SGPP2: variants seen among roughly 807,000 people sequenced by gnomAD.
SGPP2 encodes the protein sphingosine-1-phosphate phosphatase 2.
A neutral mutation model predicts 33.9 loss-of-function variants in SGPP2; 30 were observed. The ratio of observed to expected loss-of-function variants is 0.89; its 90% CI spans 0.66 to 1.20. SGPP2 has a LOEUF of 1.20. Ranked by LOEUF, SGPP2 falls within the 50% of genes most tolerant of loss-of-function variation. The pLI is 0.00. For missense variants in SGPP2, 458 were observed against 532.1 expected (o/e 0.86, Z 1.37); for synonymous variants, 233 against 225.0 (o/e 1.04, Z -0.32).
chr2:222,437,344 G>A (rs1032819929), intron 1 of SGPP2, among the ~76,000 whole-genome samples: 16 of 152,168 alleles, frequency 1.1e-4, no homozygotes, highest in South Asian at 2.1e-4. Flanking sequence ...AGTTCTCCCC[G>A]CTGGGAAGAT....
chr2:222,501,573 C>T (rs912274828), intron 2 of SGPP2, among the ~76,000 whole-genome samples: 3 of 152,184 alleles, frequency 2.0e-5, no homozygotes, highest in Non-Finnish European at 4.4e-5. Context: ...AGCCTAAAAT[C>T]AGACTCTTGG....
chr2:222,430,559 T>A (rs1174875631), intron 1 of SGPP2, among the ~76,000 whole-genome samples: 1 of 152,136 alleles, frequency 6.6e-6, no homozygotes, highest in African/African-American at 2.4e-5. Context: ...GCTCAAGCGA[T>A]CCTCCTGCCT....
chr2:222,497,600 T>C (rs960503265), intron 2 of SGPP2, among the ~76,000 whole-genome samples: 6 of 152,200 alleles, frequency 3.9e-5, no homozygotes, highest in African/African-American at 1.4e-4. Flanking sequence ...ATGTATTTAG[T>C]CATTTGTTCA....
chr2:222,551,448 TA>T (rs950645824), intron 4 of SGPP2, among the ~76,000 whole-genome samples: 11 of 151,732 alleles, frequency 7.2e-5, no homozygotes, highest in African/African-American at 9.7e-5. Context: ...TTTAATAGCT[TA>T]AAAAAAAACT....
chr2:222,561,207 G>A lies in SGPP2; in HGVS notation c.*2309G>A, dbSNP rs1689532682. ...CAAAGATCAAGATGACCTGCCGTTTGACTGCTTTTACATCAAACTCTGCCC... is the reference window on the plus strand; with the variant it reads ...CAAAGATCAAGATGACCTGCCGTTTAACTGCTTTTACATCAAACTCTGCCC... On this transcript the variant is annotated 3_prime_UTR_variant, in exon 5 of 5. Transcript: ENST00000321276. Among the ~76,000 whole-genome samples the A allele has an allele frequency of 6.6e-6, 1 of 151,896 alleles. No homozygotes were observed. The highest frequency in any genetic ancestry group is 2.1e-4 in the South Asian group (1 of 4,826).
At chr2:222,527,793 T>C (rs190166281) in intron 4 of SGPP2, among the ~76,000 whole-genome samples, 3 of 152,334 alleles carry the variant, frequency 2.0e-5, no homozygotes, top group South Asian at 4.1e-4. Flanking sequence ...GGTGCAATGA[T>C]GAGTAATTTT....
At chr2:222,480,002 A>G (rs796834811) in intron 2 of SGPP2, among the ~76,000 whole-genome samples, 13 of 152,340 alleles carry the variant, frequency 8.5e-5, no homozygotes, top group African/African-American at 3.1e-4. Flanking sequence ...CATTGAGCCA[A>G]AAAAGACAGC....
rs920002819 is a variant in SGPP2 at position 222,558,985 on chromosome 2, T to G, written c.*87T>G. On this transcript the variant is annotated 3_prime_UTR_variant, in exon 5 of 5. Coordinates refer to ENST00000321276, the MANE Select transcript of SGPP2 (RefSeq NM_152386.4). Reference sequence around the variant, plus strand: ...GTAGGCAAATCTTGACAACTTATTTTTCTTTAACAACAACAAAAAGTCATA... The same window carrying G: ...GTAGGCAAATCTTGACAACTTATTTGTCTTTAACAACAACAAAAAGTCATA... 10 of 1,349,054 alleles carry G rather than the reference T, an allele frequency of 7.4e-6. No homozygotes were observed. The highest frequency in any genetic ancestry group is 9.2e-6 in the Non-Finnish European group (9 of 981,964). The allele number at this position is 1,349,054 out of a possible 1,614,324, so 83.6% of individuals were successfully genotyped here.
intron 2 of SGPP2, among the ~76,000 whole-genome samples, chr2:222,517,312 GA>G (rs1388945766): frequency 1.3e-5 from 2 of 152,192 alleles, no homozygotes; most frequent in African/African-American, 4.8e-5. Context: ...CAGAAAAACA[GA>G]AGAGCAGAAG....
chr2:222,488,449 T>C (rs1290545086), intron 2 of SGPP2, among the ~76,000 whole-genome samples: 1 of 152,232 alleles, frequency 6.6e-6, no homozygotes, highest in East Asian at 1.9e-4. Flanking sequence ...TATGAGACTC[T>C]AGCTGATGTC....
At chr2:222,547,446 T>A (rs1689221636) in intron 4 of SGPP2, among the ~76,000 whole-genome samples, 1 of 152,226 alleles carries the variant, frequency 6.6e-6, no homozygotes, top group East Asian at 1.9e-4. Flanking sequence ...TTTTGTCTGT[T>A]TCATGAAGAC....
rs1425148322 is a variant in SGPP2, at chr2:222,562,573, T to A, written c.*3675T>A. 6.6e-6 allele frequency among the ~76,000 whole-genome samples: 1 copy of A among 152,240 alleles called. No individual in the cohort carries two copies. The highest frequency in any genetic ancestry group is 2.4e-5 in the African/African-American group (1 of 41,470). On this transcript the variant is annotated 3_prime_UTR_variant, in exon 5 of 5. Transcript: ENST00000321276. ...GTACTGTATGTAAATTTATTCTTTT[T>A]AAAAATCACTTTTATTTGATTTTGA...
chr2:222,438,132 A>G lies in SGPP2; in HGVS notation c.219+13311A>G, dbSNP rs57562238. On this transcript the variant is annotated intron_variant, in intron 1 of 4. Coordinates refer to ENST00000321276, the MANE Select transcript of SGPP2 (RefSeq NM_152386.4). ...TTGCCTCCAAAATCCAAATAGGCCC[A>G]TTAGGCATTGTGCCTCTTTCTTGGT... Among the ~76,000 whole-genome samples the G allele has an allele frequency of 1.8e-3, 269 of 152,328 alleles. 3 individuals are homozygous for G. The highest frequency in any genetic ancestry group is 9.1e-3 in the East Asian group (47 of 5,174).
chr2:222,523,286 G>A (rs1030588583), intron 3 of SGPP2, among the ~76,000 whole-genome samples: 1 of 152,170 alleles, frequency 6.6e-6, no homozygotes, highest in Non-Finnish European at 1.5e-5. Flanking sequence ...CTTCATGCCG[G>A]GGTCAAACAA....
chr2:222,525,636 T>G (rs1354580495), intron 4 of SGPP2, among the ~76,000 whole-genome samples: 2 of 152,342 alleles, frequency 1.3e-5, no homozygotes. Flanking sequence ...AGAATTCAGT[T>G]TCCCAATGTG....
intron 2 of SGPP2, among the ~76,000 whole-genome samples, chr2:222,486,671 ATGACTCTCATT>A (rs1698114616): frequency 6.6e-6 from 1 of 152,130 alleles, no homozygotes; most frequent in African/African-American, 2.4e-5. Context: ...CACTACTATT[ATGACTCTCATT>A]TTAAGGGGAG....
chr2:222,542,966 T>G (rs1297364737), intron 4 of SGPP2, among the ~76,000 whole-genome samples: 1 of 152,162 alleles, frequency 6.6e-6, no homozygotes, highest in Admixed American at 6.5e-5. Flanking sequence ...ATTTGTATTA[T>G]TACTCATAGA....
chr2:222,478,614 C>G (rs1444064176), intron 2 of SGPP2, among the ~76,000 whole-genome samples: 2 of 152,156 alleles, frequency 1.3e-5, no homozygotes, highest in African/African-American at 2.4e-5. Context: ...AACTGAACAT[C>G]TTATCTCGCC....
chr2:222,558,009 G>A (rs187623096), intron 4 of SGPP2, among the ~76,000 whole-genome samples: 1 of 152,290 alleles, frequency 6.6e-6, no homozygotes, highest in East Asian at 1.9e-4. Context: ...GACGGTGACA[G>A]TATTTGTGAT....
Sources: gnomAD v4.1 joint callset for allele counts (sites outside exome capture counted in the v4.1 genomes callset) on GRCh38, gnomAD v4.1.1 for gene constraint, MANE v1.5 for transcripts, NCBI Gene and HGNC (gene_info 2026-07-23, HGNC 2026-07-21) for gene names.